OSTN: variants seen among roughly 807,000 people sequenced by gnomAD.
OSTN encodes osteocrin.
A neutral mutation model predicts 12.0 loss-of-function variants in OSTN; 9 were observed. That is an observed-to-expected ratio of 0.75 (90% CI 0.45 to 1.30). OSTN has a LOEUF of 1.30. Among genes scored for constraint, OSTN ranks in the 50% most tolerant of loss-of-function variants. The pLI is 0.00. For synonymous variants in OSTN, 59 were observed against 56.9 expected (o/e 1.04, Z -0.16); for missense variants, 148 against 152.3 (o/e 0.97, Z 0.15).
In OSTN at chr3:191,265,066, G is replaced by C. The variant is rs973890636; in HGVS notation, c.*2213G>C. ...TTAATTTTTACCACTACTTCATTCA[G>C]AGTAGAAAATAAGTCAGCAATATAC... On this transcript the variant is annotated 3_prime_UTR_variant, in exon 5 of 5. Transcript: ENST00000682035. 1 of 152,056 alleles carries C rather than the reference G, an allele frequency of 6.6e-6. No homozygotes were observed. The highest frequency in any genetic ancestry group is 2.4e-5 in the African/African-American group (1 of 41,422). 9.4% of individuals were successfully genotyped at this position (152,056 alleles called of 1,614,324 possible).
At chr3:191,248,190 C>T (rs1715478655) in intron 3 of OSTN, among the ~76,000 whole-genome samples, 1 of 151,826 alleles carries the variant, frequency 6.6e-6, no homozygotes, top group African/African-American at 2.4e-5. Flanking sequence ...ACCGATATGA[C>T]TGTGTAGTCA....
chr3:191,264,114 AG>A lies in OSTN; in HGVS notation c.*1262del, dbSNP rs1221314833. Reference sequence around the variant, plus strand: ...CAAAGGCTTATTTCAGCATAAAAAGAGAGTGTTGTGAGTTGTGAGAAGGTGT... The same window carrying A: ...CAAAGGCTTATTTCAGCATAAAAAGAAGTGTTGTGAGTTGTGAGAAGGTGT... On this transcript the variant is annotated 3_prime_UTR_variant, in exon 5 of 5. Transcript: ENST00000682035. 1 of 152,142 alleles carries A rather than the reference AG, an allele frequency of 6.6e-6. No homozygotes were observed. Among genetic ancestry groups the A allele is most frequent in the African/African-American group, 2.4e-5 (1 of 41,450 alleles). 9.4% of individuals were successfully genotyped at this position (152,142 alleles called of 1,614,324 possible).
chr3:191,241,764 C>T (rs960091583), intron 3 of OSTN, among the ~76,000 whole-genome samples: 2 of 152,100 alleles, frequency 1.3e-5, no homozygotes, highest in African/African-American at 4.8e-5. Context: ...ATAAGCCTTA[C>T]AAGTTTTAAA....
At position 191,265,304 on chromosome 3, in the gene OSTN, T is replaced by C. The variant is rs896076110; in HGVS notation, c.*2451T>C. The C allele has an allele frequency of 6.6e-6, 1 of 152,212 alleles. No homozygotes were observed. Among genetic ancestry groups the C allele is most frequent in the Non-Finnish European group, 1.5e-5 (1 of 68,008 alleles). 9.4% of individuals were successfully genotyped at this position (152,212 alleles called of 1,614,324 possible). A position where few individuals can be genotyped will look rare whatever the true frequency, so the allele number is the denominator to read the frequency against. On this transcript the variant is annotated 3_prime_UTR_variant, in exon 5 of 5. Coordinates refer to ENST00000682035, the MANE Select transcript of OSTN (RefSeq NM_198184.2). ...TGAACCTTTATAGAGCAAATGAATA[T>C]ATGTATATGGAGTTCTGGGTTCTAG...
intron 3 of OSTN, 48 bp from the exon 4 acceptor site, chr3:191,249,989 C>T (rs777559102): frequency 1.5e-6 from 2 of 1,367,614 alleles, no homozygotes; most frequent in Admixed American, 3.4e-5. Flanking sequence ...AAATAATGAT[C>T]AATAACTTGC....
At chr3:191,232,669 C>T (rs1157278160) in intron 3 of OSTN, among the ~76,000 whole-genome samples, 12 of 144,346 alleles carry the variant, frequency 8.3e-5, no homozygotes, top group Admixed American at 7.7e-4. Flanking sequence ...GGTGAGATCT[C>T]GGCTCACTGC....
At position 191,264,999 on chromosome 3, in the gene OSTN, GA is replaced by G. The variant is rs1560128606; in HGVS notation, c.*2150del. The stretch of plus-strand genomic sequence containing the variant: ...ATACACACAATTTCCATGAAGGGAA[GA>G]AAATGTTTTCTCCACTTATAACTCT... On this transcript the variant is annotated 3_prime_UTR_variant, in exon 5 of 5. Coordinates refer to ENST00000682035, the MANE Select transcript of OSTN (RefSeq NM_198184.2). 6.6e-6 allele frequency: 1 copy of G among 152,182 alleles called. No individual in the cohort carries two copies. Among genetic ancestry groups the G allele is most frequent in the South Asian group, 2.1e-4 (1 of 4,824 alleles). The allele number at this position is 152,182 out of a possible 1,614,324, so 9.4% of individuals were successfully genotyped here. A position where few individuals can be genotyped will look rare whatever the true frequency, so the allele number is the denominator to read the frequency against.
At chr3:191,253,045 G>A (rs1036950051) in intron 4 of OSTN, among the ~76,000 whole-genome samples, 3 of 152,142 alleles carry the variant, frequency 2.0e-5, no homozygotes, top group African/African-American at 7.2e-5. Context: ...TCTGGGGTCC[G>A]GGTCTTTGGA....
At chr3:191,224,445 C>T (rs116309989) in intron 3 of OSTN, among the ~76,000 whole-genome samples, 1,175 of 111,238 alleles carry the variant, frequency 0.011, 20 homozygotes, top group African/African-American at 0.038. Context: ...AATCCAAGAC[C>T]GATTATATAT....
chr3:191,207,101 G>A (rs1245477489), intron 1 of OSTN, among the ~76,000 whole-genome samples: 2 of 152,158 alleles, frequency 1.3e-5, no homozygotes, highest in Non-Finnish European at 2.9e-5. Context: ...TATGTGCTCT[G>A]TCGCGGTGAG....
In OSTN at chr3:191,263,138, A is replaced by G. The variant is rs1715849512; in HGVS notation, c.*285A>G. The G allele has an allele frequency of 2.5e-6, 1 of 406,046 alleles. No homozygotes were observed. The highest frequency in any genetic ancestry group is 4.0e-5 in the Admixed American group (1 of 24,728). The allele number at this position is 406,046 out of a possible 1,614,324, so 25.2% of individuals were successfully genotyped here. A position where few individuals can be genotyped will look rare whatever the true frequency, so the allele number is the denominator to read the frequency against. On this transcript the variant is annotated 3_prime_UTR_variant, in exon 5 of 5. Coordinates refer to ENST00000682035, the MANE Select transcript of OSTN (RefSeq NM_198184.2). Reference sequence around the variant, plus strand: ...TTACTTTTAAAAATAATAATTAAATACACAATACAGTGAAATGCCTTCTGT... The same window carrying G: ...TTACTTTTAAAAATAATAATTAAATGCACAATACAGTGAAATGCCTTCTGT...
Position 191,212,621 on chromosome 3 carries a change from TAAC to T in OSTN, c.97_99del (p.Thr33del), listed in dbSNP as rs747995988. The T allele has an allele frequency of 8.4e-6, 13 of 1,551,862 alleles. No individual in the cohort carries two copies. The highest frequency in any genetic ancestry group is 2.5e-5 in the South Asian group (2 of 80,916). ...TCAGGAAAAGTCCTCTCAGTAGATGTAACAACAACAGAGGTAATGGAAACTAGC... is the reference window on the plus strand; with the variant it reads ...TCAGGAAAAGTCCTCTCAGTAGATGTAACAACAGAGGTAATGGAAACTAGC... On this transcript the variant is annotated inframe_deletion, in exon 2 of 5. Coordinates refer to ENST00000682035, the MANE Select transcript of OSTN (RefSeq NM_198184.2).
chr3:191,223,095 G>A (rs964573747), intron 3 of OSTN, among the ~76,000 whole-genome samples: 5 of 152,032 alleles, frequency 3.3e-5, no homozygotes, highest in African/African-American at 9.6e-5. Flanking sequence ...TGTGAGAATG[G>A]ACTAATAAAC....
At chr3:191,260,769 G>A (rs543884147) in intron 4 of OSTN, among the ~76,000 whole-genome samples, 1 of 152,188 alleles carries the variant, frequency 6.6e-6, no homozygotes, top group South Asian at 2.1e-4. Context: ...AAGCTCTCCA[G>A]GACATAAAAC....
At chr3:191,235,199 G>A (rs1243723429) in intron 3 of OSTN, among the ~76,000 whole-genome samples, 2 of 151,978 alleles carry the variant, frequency 1.3e-5, no homozygotes, top group African/African-American at 4.8e-5. Flanking sequence ...GGCTCTACTG[G>A]CCACATCAAA....
At chr3:191,230,344 T>A (rs1195039138) in intron 3 of OSTN, among the ~76,000 whole-genome samples, 1 of 151,450 alleles carries the variant, frequency 6.6e-6, no homozygotes, top group African/African-American at 2.4e-5. Context: ...GGCGGGCAGA[T>A]CACCAGGTCA....
intron 3 of OSTN, among the ~76,000 whole-genome samples, chr3:191,235,273 C>CA (rs1715161795): frequency 6.6e-6 from 1 of 152,090 alleles, no homozygotes; most frequent in African/African-American, 2.4e-5. Flanking sequence ...ATTCAAATAA[C>CA]CATTCTTATA....
At chr3:191,243,679 G>T (rs1032122498) in intron 3 of OSTN, among the ~76,000 whole-genome samples, 8 of 151,990 alleles carry the variant, frequency 5.3e-5, no homozygotes, top group African/African-American at 1.9e-4. Flanking sequence ...GACAGCTACC[G>T]TTTTTTGTTT....
chr3:191,224,769 T>A lies in OSTN; in HGVS notation c.317+5808T>A, dbSNP rs1714868140. Among the ~76,000 whole-genome samples, 5 of 152,122 alleles carry A rather than the reference T, an allele frequency of 3.3e-5. No individual in the cohort carries two copies. In the South Asian group the frequency reaches 1.0e-3, roughly 31 times the overall value. On this transcript the variant is annotated intron_variant, in intron 3 of 4. Coordinates refer to ENST00000682035, the MANE Select transcript of OSTN (RefSeq NM_198184.2). The stretch of plus-strand genomic sequence containing the variant: ...TTTGGTTAAAGAAGAATACCAAATT[T>A]TATTTTTGCATTTTTATTTTGTATT...
Sources: gnomAD v4.1 joint callset for allele counts (sites outside exome capture counted in the v4.1 genomes callset) on GRCh38, gnomAD v4.1.1 for gene constraint, MANE v1.5 for transcripts, NCBI Gene and HGNC (gene_info 2026-07-23, HGNC 2026-07-21) for gene names.